HECTD2: variants seen among roughly 807,000 people sequenced by gnomAD.
The protein encoded by HECTD2 is HECT domain E3 ubiquitin protein ligase 2, also known as probable E3 ubiquitin-protein ligase HECTD2.
HECTD2 carries 35 observed loss-of-function variants against 103.2 expected under a neutral mutation model. The observed-to-expected ratio is 0.34, with a 90% CI of 0.26 to 0.45. The LOEUF is 0.45. Ranked by LOEUF, HECTD2 falls within the 20% of genes least tolerant of loss-of-function variation. HECTD2 has a pLI of 1.00. For missense variants in HECTD2, 596 were observed against 937.4 expected (o/e 0.64, Z 4.76); for synonymous variants, 281 against 329.9 (o/e 0.85, Z 1.61).
Position 91,460,493 on chromosome 10 carries a change from C to T in HECTD2, c.335C>T (p.Ser112Leu). 6.2e-7 allele frequency: 1 copy of T among 1,612,922 alleles called. No individual in the cohort carries two copies. The highest frequency in any genetic ancestry group is 8.5e-7 in the Non-Finnish European group (1 of 1,179,254). ...QKQRTSMDAS[S>L]SEMKAPVLPE... Reference sequence around the variant, plus strand: ...CAGCGTACATCTATGGATGCATCATCATCCGAAATGAAGGCCCCAGTCCTT... The same window carrying T: ...CAGCGTACATCTATGGATGCATCATTATCCGAAATGAAGGCCCCAGTCCTT... Residue 112 changes from serine (S) to leucine (L), a missense_variant, in exon 3 of 21, where the codon TCA becomes TTA. Physicochemically the swap from Ser to Leu is moderately radical, Grantham distance 145. This residue lies in a region of HECTD2 where 220 missense variants were observed against 233.9 expected (regional missense o/e 0.94). Coordinates refer to ENST00000298068, the MANE Select transcript of HECTD2 (RefSeq NM_182765.6).
At chr10:91,422,100 A>T (rs566509166) in intron 1 of HECTD2, among the ~76,000 whole-genome samples, 1 of 152,076 alleles carries the variant, frequency 6.6e-6, no homozygotes, top group Non-Finnish European at 1.5e-5. Context: ...TACAGATATG[A>T]TCATGTCATA....
chr10:91,484,936 C>CATCT (rs1189065977), intron 9 of HECTD2, among the ~76,000 whole-genome samples: 1 of 151,882 alleles, frequency 6.6e-6, no homozygotes, highest in Non-Finnish European at 1.5e-5. Flanking sequence ...AGTAAATGGC[C>CATCT]ATCTGCATAT....
chr10:91,437,901 G>C (rs571883736), intron 2 of HECTD2, among the ~76,000 whole-genome samples: 62 of 151,956 alleles, frequency 4.1e-4, no homozygotes, highest in African/African-American at 1.5e-3. Context: ...ATATAAACTA[G>C]TGGTTTTAAA....
At chr10:91,497,673 A>G (rs1021052811) in intron 15 of HECTD2, among the ~76,000 whole-genome samples, 4 of 152,180 alleles carry the variant, frequency 2.6e-5, no homozygotes, top group Non-Finnish European at 4.4e-5. Flanking sequence ...CTGTGCATGT[A>G]TGAACTGTAT....
intron 1 of HECTD2, among the ~76,000 whole-genome samples, chr10:91,412,668 ATGTG>A (rs58691011): frequency 1.2e-4 from 18 of 147,170 alleles, no homozygotes; most frequent in South Asian, 4.3e-4. Flanking sequence ...CTGTGGCAGA[ATGTG>A]TGTGTGTGTG....
intron 5 of HECTD2, among the ~76,000 whole-genome samples, chr10:91,465,564 T>G (rs1265173509): frequency 6.6e-6 from 1 of 151,966 alleles, no homozygotes; most frequent in Non-Finnish European, 1.5e-5. Context: ...TGTAGGGTTT[T>G]TTTTTTTTTA....
At position 91,425,501 on chromosome 10, in the gene HECTD2, G is replaced by A. The variant is rs145818667; in HGVS notation, c.268+91G>A. 52 of 937,104 alleles carry A rather than the reference G, an allele frequency of 5.5e-5. No homozygotes were observed. The East Asian group carries it at 1.5e-3, about 27-fold the overall frequency. 58.0% of individuals were successfully genotyped at this position (937,104 alleles called of 1,614,324 possible). ...TAATTATTCAGCATTGTTCTGATAGGTCTAGTTAATACAACAAAAAGAAGC... is the reference window on the plus strand; with the variant it reads ...TAATTATTCAGCATTGTTCTGATAGATCTAGTTAATACAACAAAAAGAAGC... On this transcript the variant is annotated intron_variant, in intron 2 of 20. Transcript: ENST00000298068.
chr10:91,458,797 C>T (rs532159028), intron 2 of HECTD2, among the ~76,000 whole-genome samples: 37 of 151,890 alleles, frequency 2.4e-4, no homozygotes, highest in Admixed American at 1.8e-3. Flanking sequence ...AAAAATGAAA[C>T]GATCTTTGGG....
intron 20 of HECTD2, among the ~76,000 whole-genome samples, chr10:91,504,596 G>A (rs552010938): frequency 0.015 from 2,205 of 151,962 alleles, 39 homozygotes; most frequent in African/African-American, 0.05. Flanking sequence ...AAAAAGAAAC[G>A]AGCAAAGCCT....
intron 2 of HECTD2, among the ~76,000 whole-genome samples, chr10:91,454,904 C>A (rs1032583811): frequency 7.2e-5 from 11 of 151,998 alleles, no homozygotes; most frequent in African/African-American, 2.4e-4. Flanking sequence ...TGAACTCATC[C>A]TTTTTTATGG....
intron 2 of HECTD2, among the ~76,000 whole-genome samples, chr10:91,445,657 T>C (rs1844572642): frequency 6.6e-6 from 1 of 151,980 alleles, no homozygotes; most frequent in East Asian, 1.9e-4. Flanking sequence ...AGAAGGCAGG[T>C]GATTTCTGCA....
At chr10:91,460,284 A>G (rs1439403256) in intron 2 of HECTD2, 143 bp from the exon 3 acceptor site, 6 of 694,098 alleles carry the variant, frequency 8.6e-6, no homozygotes, top group African/African-American at 5.5e-5. Context: ...GTCCTTCACT[A>G]TGGTTGGTTT....
chr10:91,444,604 C>G (rs755277607), intron 2 of HECTD2, among the ~76,000 whole-genome samples: 4 of 152,164 alleles, frequency 2.6e-5, no homozygotes, highest in Non-Finnish European at 5.9e-5. Flanking sequence ...AAATAACAGA[C>G]TGCAGCTGTT....
rs759523040 is a variant in HECTD2 at position 91,485,325 on chromosome 10, A to T, written c.1094+22A>T. On this transcript the variant is annotated intron_variant, in intron 10 of 20. Coordinates refer to ENST00000298068, the MANE Select transcript of HECTD2 (RefSeq NM_182765.6). Reference sequence around the variant, plus strand: ...ACAGGTATGAACAAAAGTTCCTTTGATTATCCACCTAAATGAAATACTATT... The same window carrying T: ...ACAGGTATGAACAAAAGTTCCTTTGTTTATCCACCTAAATGAAATACTATT... 9.0e-6 allele frequency: 14 copies of T among 1,561,500 alleles called. No homozygotes were observed. The Admixed American group carries it at 2.0e-4, about 22-fold the overall frequency.
intron 5 of HECTD2, among the ~76,000 whole-genome samples, chr10:91,473,923 C>T (rs1175566914): frequency 6.6e-6 from 1 of 151,974 alleles, no homozygotes; most frequent in Non-Finnish European, 1.5e-5. Context: ...ATTCCTAACT[C>T]TCATGTTGTT....
At chr10:91,478,357 CAG>C (rs2133267147) in intron 6 of HECTD2, 92 bp downstream of exon 6, 1 of 758,584 alleles carries the variant, frequency 1.3e-6, no homozygotes, top group East Asian at 2.6e-5. Flanking sequence ...ATTTTACTCT[CAG>C]AAAAGATTTT....
At chr10:91,510,456 TC>T (rs1847379052) in intron 20 of HECTD2, among the ~76,000 whole-genome samples, 1 of 152,222 alleles carries the variant, frequency 6.6e-6, no homozygotes, top group African/African-American at 2.4e-5. Context: ...ACACATTTTT[TC>T]TTCAATAAAC....
At chr10:91,426,567 TAC>T (rs58234316) in intron 2 of HECTD2, among the ~76,000 whole-genome samples, 27 of 150,088 alleles carry the variant, frequency 1.8e-4, no homozygotes, top group Admixed American at 1.2e-3. Context: ...CATACAAACA[TAC>T]ACACACACAC....
chr10:91,425,838 A>G (rs905676739), intron 2 of HECTD2, among the ~76,000 whole-genome samples: 7 of 151,948 alleles, frequency 4.6e-5, no homozygotes, highest in Non-Finnish European at 1.0e-4. Flanking sequence ...ACTGTTATCT[A>G]AAGACCAAAA....
Sources: gnomAD v4.1 joint callset for allele counts (sites outside exome capture counted in the v4.1 genomes callset) on GRCh38, gnomAD v4.1.1 for gene constraint, gnomAD v4.1.1 regional missense constraint, MANE v1.5 for transcripts, NCBI Gene and HGNC (gene_info 2026-07-23, HGNC 2026-07-21) for gene names.